The following TRPM3 variants were observed in gnomAD, a reference collection of about 807,000 sequenced individuals.
TRPM3 encodes the protein transient receptor potential cation channel subfamily M member 3, also known as long transient receptor potential channel 3.
In TRPM3, 77 loss-of-function variants were observed where a neutral mutation model predicts 181.2. The observed-to-expected ratio is 0.42, with a 90% CI of 0.35 to 0.51. The LOEUF is 0.51. Among genes scored for constraint, TRPM3 ranks in the 20% least tolerant of loss-of-function variants. The pLI, the probability that TRPM3 is intolerant of heterozygous loss-of-function variation, is 0.01. For synonymous variants in TRPM3, 745 were observed against 796.4 expected (o/e 0.94, Z 1.09); for missense variants, 1,759 against 2,196.7 (o/e 0.80, Z 3.98).
chr9:70,755,783 T>C (rs555888805), intron 8 of TRPM3, among the ~76,000 whole-genome samples: 1 of 152,162 alleles, frequency 6.6e-6, no homozygotes, highest in South Asian at 2.1e-4. Context: ...TGGGAGATTT[T>C]GTCACCACCA....
intron 9 of TRPM3, among the ~76,000 whole-genome samples, chr9:70,646,255 T>G (rs1171798435): frequency 6.6e-6 from 1 of 152,038 alleles, no homozygotes; most frequent in African/African-American, 2.4e-5. Context: ...AATCATTCTA[T>G]GAAGACACAT....
rs71507025 is a variant in TRPM3 at position 71,156,376 on chromosome 9, G to GACACACACAC, written c.183+290267_183+290276dup. 2.6e-3 allele frequency among the ~76,000 whole-genome samples: 366 copies of GACACACACAC among 138,444 alleles called. 2 individuals are homozygous for GACACACACAC. Among genetic ancestry groups the GACACACACAC allele is most frequent in the East Asian group, 9.5e-3 (43 of 4,540 alleles). The allele number at this position is 138,444 out of a possible 152,430, so 90.8% of individuals were successfully genotyped here. ...CATTAGGTATTATATATATACTACA[G>GACACACACAC]ACACACACACACACACACACACACA... On this transcript the variant is annotated intron_variant, in intron 1 of 24. Coordinates refer to the TRPM3 transcript ENST00000357533.
intron 8 of TRPM3, among the ~76,000 whole-genome samples, chr9:70,697,316 G>C (rs898355651): frequency 6.6e-6 from 1 of 152,162 alleles, no homozygotes. Context: ...ATTTTGAAAA[G>C]TGTTCTATTA....
intron 1 of TRPM3, among the ~76,000 whole-genome samples, chr9:71,223,099 A>G (rs1297594855): frequency 6.6e-6 from 1 of 152,090 alleles, no homozygotes; most frequent in African/African-American, 2.4e-5. Context: ...AGCTAAGGGA[A>G]TGCTTGTTCC....
intron 1 of TRPM3, among the ~76,000 whole-genome samples, chr9:71,197,645 G>C (rs899735069): frequency 3.3e-5 from 5 of 152,112 alleles, no homozygotes; most frequent in Non-Finnish European, 5.9e-5. Flanking sequence ...TTTTTCATGT[G>C]TCTTTTGGCT....
intron 1 of TRPM3, among the ~76,000 whole-genome samples, chr9:71,307,244 T>G (rs1469026281): frequency 6.6e-6 from 1 of 152,160 alleles, no homozygotes; most frequent in African/African-American, 2.4e-5. Flanking sequence ...CATTTCTTTT[T>G]CTTGTATTTT....
intron 1 of TRPM3, among the ~76,000 whole-genome samples, chr9:70,992,279 G>A (rs2053623251): frequency 6.6e-6 from 1 of 152,214 alleles, no homozygotes; most frequent in Non-Finnish European, 1.5e-5. Flanking sequence ...TCTAGTCAGT[G>A]TAGGGCTCTC....
chr9:70,900,119 C>G (rs1239063300), intron 1 of TRPM3, among the ~76,000 whole-genome samples: 1 of 152,108 alleles, frequency 6.6e-6, no homozygotes, highest in Non-Finnish European at 1.5e-5. Flanking sequence ...ACTGATGACA[C>G]AGATACAATC....
intron 1 of TRPM3, among the ~76,000 whole-genome samples, chr9:71,023,852 G>A (rs181576015): frequency 6.6e-6 from 1 of 152,254 alleles, no homozygotes; most frequent in Non-Finnish European, 1.5e-5. Context: ...AGGAGGGAGA[G>A]AAGGCGTAGT....
chr9:71,426,314 G>T (rs2093862361), intron 1 of TRPM3, among the ~76,000 whole-genome samples: 1 of 149,808 alleles, frequency 6.7e-6, no homozygotes, highest in African/African-American at 2.5e-5. Context: ...AGGGTTTTTT[G>T]AGGTTTTTTT....
chr9:71,010,920 C>G (rs1166650262), intron 1 of TRPM3, among the ~76,000 whole-genome samples: 1 of 107,078 alleles, frequency 9.3e-6, no homozygotes, highest in East Asian at 3.2e-4. Flanking sequence ...ATGACACACA[C>G]ACACACACAC....
chr9:71,171,975 T>G (rs1411981885), intron 1 of TRPM3, among the ~76,000 whole-genome samples: 1 of 152,138 alleles, frequency 6.6e-6, no homozygotes, highest in East Asian at 1.9e-4. Context: ...CATAGCTCTC[T>G]GCAGCATCAA....
At chr9:70,993,259 T>G (rs1009920130) in intron 1 of TRPM3, among the ~76,000 whole-genome samples, 15 of 152,144 alleles carry the variant, frequency 9.9e-5, no homozygotes, top group Admixed American at 7.2e-4. Context: ...GAACTGACTG[T>G]GGAATGGAAA....
intron 1 of TRPM3, among the ~76,000 whole-genome samples, chr9:70,921,849 C>T (rs73647181): frequency 0.15 from 22,529 of 151,628 alleles, 1,830 homozygotes; most frequent in Non-Finnish European, 0.17. Flanking sequence ...ATGCTGCCAA[C>T]AACCACATGA....
chr9:71,410,297 TAA>T (rs59704208), intron 1 of TRPM3, among the ~76,000 whole-genome samples: 31 of 151,746 alleles, frequency 2.0e-4, no homozygotes, highest in African/African-American at 4.8e-4. Context: ...AAAAAACACT[TAA>T]AAAAAAAATC....
chr9:70,998,226 T>TAC (rs1477492214), intron 1 of TRPM3, among the ~76,000 whole-genome samples: 58 of 119,180 alleles, frequency 4.9e-4, no homozygotes, highest in Middle Eastern at 5.0e-3. Flanking sequence ...TATATATACA[T>TAC]ATACACACAC....
chr9:71,031,366 G>A (rs73647935), intron 1 of TRPM3, among the ~76,000 whole-genome samples: 2,129 of 152,206 alleles, frequency 0.014, 55 homozygotes, highest in African/African-American at 0.048. Flanking sequence ...TTGAATATCG[G>A]TTCTACCTCA....
intron 1 of TRPM3, among the ~76,000 whole-genome samples, chr9:71,340,231 G>A (rs1270680687): frequency 6.6e-6 from 1 of 152,168 alleles, no homozygotes; most frequent in Non-Finnish European, 1.5e-5. Context: ...AGGAAAGAGA[G>A]AAGGCTAGAA....
chr9:70,848,582 G>C (rs1044690276), intron 3 of TRPM3, among the ~76,000 whole-genome samples: 1 of 152,096 alleles, frequency 6.6e-6, no homozygotes, highest in African/African-American at 2.4e-5. Flanking sequence ...AGAAGTGGCT[G>C]GAAATAAAGA....
Sources: allele counts gnomAD v4.1 joint callset (sites outside exome capture counted in the v4.1 genomes callset), GRCh38; gene constraint gnomAD v4.1.1; transcripts MANE v1.5; gene names NCBI Gene and HGNC (gene_info 2026-07-23, HGNC 2026-07-21).